FGF14: variants seen among roughly 807,000 people sequenced by gnomAD.
The protein encoded by FGF14 is fibroblast growth factor homologous factor 4.
FGF14 carries 5 observed loss-of-function variants against 25.5 expected under a neutral mutation model. The observed-to-expected ratio is 0.20, with a 90% CI of 0.10 to 0.41. FGF14 has a LOEUF of 0.41. Among genes scored for constraint, FGF14 ranks in the 10% least tolerant of loss-of-function variants. The pLI, the probability that FGF14 is intolerant of heterozygous loss-of-function variation, is 1.00. For missense variants in FGF14, 222 were observed against 320.1 expected (o/e 0.69, Z 2.34); for synonymous variants, 138 against 118.3 (o/e 1.17, Z -1.08).
intron 1 of FGF14, among the ~76,000 whole-genome samples, chr13:102,228,287 G>GCTTA (rs1212904227): frequency 2.6e-5 from 4 of 152,098 alleles, no homozygotes; most frequent in Non-Finnish European, 5.9e-5. Context: ...AAAAAATTAA[G>GCTTA]ATACATTCCT....
intron 1 of FGF14, among the ~76,000 whole-genome samples, chr13:102,158,729 T>C (rs982750095): frequency 2.7e-5 from 4 of 150,496 alleles, no homozygotes; most frequent in Non-Finnish European, 4.4e-5. Context: ...TAAAATTAGA[T>C]CTGGAGATCT....
At chr13:101,860,173 A>T (rs945696401) in intron 3 of FGF14, among the ~76,000 whole-genome samples, 1 of 152,054 alleles carries the variant, frequency 6.6e-6, no homozygotes, top group African/African-American at 2.4e-5. Context: ...TTGGTTGAAA[A>T]TTTAATGTCT....
At chr13:102,197,989 ACTTTT>A (rs1429350606) in intron 1 of FGF14, among the ~76,000 whole-genome samples, 2 of 152,120 alleles carry the variant, frequency 1.3e-5, no homozygotes, top group Non-Finnish European at 2.9e-5. Context: ...GCGAAGCAAC[ACTTTT>A]CTTTTTTCAC....
chr13:101,961,263 A>C (rs1234529364), intron 1 of FGF14, among the ~76,000 whole-genome samples: 1 of 151,852 alleles, frequency 6.6e-6, no homozygotes, highest in African/African-American at 2.4e-5. Context: ...ATCTTTGTCC[A>C]TGCATATGTC....
chr13:102,161,558 C>T (rs2047626745), intron 1 of FGF14, among the ~76,000 whole-genome samples: 1 of 18,652 alleles, frequency 5.4e-5, no homozygotes, highest in African/African-American at 2.0e-4. Context: ...ATGCAACCAA[C>T]TTTCTGTGAA....
intron 1 of FGF14, 112 bp downstream of exon 1, chr13:101,916,341 C>G: frequency 4.5e-6 from 6 of 1,338,036 alleles, no homozygotes; most frequent in Non-Finnish European, 5.3e-6. Flanking sequence ...GAAGGGAGGC[C>G]GGGGCCGGGG....
intron 1 of FGF14, among the ~76,000 whole-genome samples, chr13:102,384,454 T>A (rs780753573): frequency 6.6e-6 from 1 of 152,186 alleles, no homozygotes; most frequent in Non-Finnish European, 1.5e-5. Flanking sequence ...CCACACTCTC[T>A]CATGCCCCTA....
chr13:102,013,427 C>A (rs1321357183), intron 1 of FGF14, among the ~76,000 whole-genome samples: 1 of 152,144 alleles, frequency 6.6e-6, no homozygotes, highest in Admixed American at 6.6e-5. Context: ...TAAGGATTAT[C>A]TTCTTGGAAG....
intron 1 of FGF14, among the ~76,000 whole-genome samples, chr13:102,135,678 C>T (rs542947907): frequency 1.1e-4 from 16 of 152,210 alleles, no homozygotes; most frequent in African/African-American, 3.4e-4. Flanking sequence ...GTTTTTGGGA[C>T]GGAGTCTCGC....
At chr13:102,154,294 C>G (rs1355751650) in intron 1 of FGF14, among the ~76,000 whole-genome samples, 2 of 151,888 alleles carry the variant, frequency 1.3e-5, no homozygotes, top group Non-Finnish European at 1.5e-5. Flanking sequence ...CAAAGGGAAG[C>G]CCATCAGACT....
intron 1 of FGF14, among the ~76,000 whole-genome samples, chr13:102,273,950 A>T (rs1031289986): frequency 1.3e-5 from 2 of 151,776 alleles, no homozygotes; most frequent in African/African-American, 2.4e-5. Context: ...GTCTCAAAAA[A>T]AAAAAAAAGG....
At chr13:102,130,717 T>C (rs549391051) in intron 1 of FGF14, among the ~76,000 whole-genome samples, 2 of 152,210 alleles carry the variant, frequency 1.3e-5, no homozygotes, top group Admixed American at 1.3e-4. Context: ...CCAAATGCCC[T>C]AGGATGACAC....
chr13:101,777,115 A>G (rs185183467), intron 3 of FGF14, among the ~76,000 whole-genome samples: 138 of 152,276 alleles, frequency 9.1e-4, no homozygotes, highest in African/African-American at 3.2e-3. Flanking sequence ...TGACTGCTTT[A>G]TTCCCCCAAA....
intron 1 of FGF14, among the ~76,000 whole-genome samples, chr13:101,970,549 G>A (rs2037530296): frequency 6.6e-6 from 1 of 152,104 alleles, no homozygotes; most frequent in African/African-American, 2.4e-5. Flanking sequence ...AGGTTGCTTT[G>A]ACTTTCTTCT....
chr13:101,875,978 A>G (rs1425686008), intron 1 of FGF14, among the ~76,000 whole-genome samples: 1 of 152,132 alleles, frequency 6.6e-6, no homozygotes, highest in African/African-American at 2.4e-5. Flanking sequence ...AGGCAATCAA[A>G]TAGAGAAATT....
intron 1 of FGF14, among the ~76,000 whole-genome samples, chr13:102,011,202 A>G (rs1444324044): frequency 6.6e-6 from 1 of 152,188 alleles, no homozygotes; most frequent in Non-Finnish European, 1.5e-5. Context: ...CTTCTTTACT[A>G]TATTTTCCTA....
At chr13:102,322,895 AG>A (rs2056298778) in intron 1 of FGF14, among the ~76,000 whole-genome samples, 1 of 152,114 alleles carries the variant, frequency 6.6e-6, no homozygotes, top group Non-Finnish European at 1.5e-5. Flanking sequence ...AAAAAAAAAA[AG>A]TTGCCATGTG....
chr13:102,382,310 A>G (rs1280006377), intron 1 of FGF14, among the ~76,000 whole-genome samples: 1 of 152,166 alleles, frequency 6.6e-6, no homozygotes, highest in Non-Finnish European at 1.5e-5. Flanking sequence ...CCTATTAAAA[A>G]TGGGCAAATA....
intron 1 of FGF14, among the ~76,000 whole-genome samples, chr13:102,075,497 G>A (rs1054763773): frequency 5.9e-5 from 9 of 152,120 alleles, no homozygotes; most frequent in African/African-American, 1.9e-4. Context: ...AACCTACTGT[G>A]CTGCCAGTCA....
Sources: gnomAD v4.1 joint callset for allele counts (sites outside exome capture counted in the v4.1 genomes callset) on GRCh38, gnomAD v4.1.1 for gene constraint, MANE v1.5 for transcripts, NCBI Gene and HGNC (gene_info 2026-07-23, HGNC 2026-07-21) for gene names.